CDH12: variants seen among roughly 807,000 people sequenced by gnomAD.
CDH12 encodes cadherin-12.
Under a neutral mutation model 74.1 loss-of-function variants are expected in CDH12, and 41 were observed. The ratio of observed to expected loss-of-function variants is 0.55; its 90% CI spans 0.43 to 0.72. The LOEUF (loss-of-function observed/expected upper bound fraction) is 0.72. Ranked by LOEUF, CDH12 falls within the 30% of genes least tolerant of loss-of-function variation. The probability of loss-of-function intolerance (pLI) is 0.00; values close to 1 mark genes in which losing one functional copy is unlikely to be tolerated. For missense variants in CDH12, 945 were observed against 977.2 expected (o/e 0.97, Z 0.44); for synonymous variants, 399 against 355.0 (o/e 1.12, Z -1.39).
chr5:22,224,589 G>C (rs1043635531), intron 3 of CDH12, among the ~76,000 whole-genome samples: 39 of 152,030 alleles, frequency 2.6e-4, no homozygotes, highest in Non-Finnish European at 4.4e-4. Context: ...TTTTAAAAAT[G>C]TAGCCATTGA....
At chr5:21,974,669 G>A (rs373564618) in intron 6 of CDH12, among the ~76,000 whole-genome samples, 1 of 152,028 alleles carries the variant, frequency 6.6e-6, no homozygotes, top group African/African-American at 2.4e-5. Context: ...ACCTGTTTCC[G>A]GACCACTTCC....
intron 2 of CDH12, among the ~76,000 whole-genome samples, chr5:22,416,057 GGTCTTTTTTT>G (rs1743372118): frequency 7.6e-6 from 1 of 131,320 alleles, no homozygotes; most frequent in African/African-American, 2.8e-5. Flanking sequence ...TGTACTTGTA[GGTCTTTTTTT>G]TTTTTTTTTT....
At chr5:22,153,931 CA>C (rs1561168879) in intron 4 of CDH12, among the ~76,000 whole-genome samples, 2 of 137,952 alleles carry the variant, frequency 1.4e-5, no homozygotes, top group African/African-American at 2.7e-5. Flanking sequence ...CACACACAAA[CA>C]TATATATGTA....
chr5:22,137,338 C>A (rs112281241), intron 4 of CDH12, among the ~76,000 whole-genome samples: 14,888 of 151,960 alleles, frequency 0.098, 764 homozygotes, highest in South Asian at 0.15. Flanking sequence ...TTATAATATG[C>A]AAACTATTGG....
At chr5:22,811,475 A>C (rs917910542) in intron 1 of CDH12, among the ~76,000 whole-genome samples, 2 of 152,102 alleles carry the variant, frequency 1.3e-5, no homozygotes, top group African/African-American at 4.8e-5. Context: ...GTTTTCCTAC[A>C]GGTGTGTTAC....
chr5:22,441,144 A>T (rs1267122417), intron 2 of CDH12, among the ~76,000 whole-genome samples: 2 of 152,162 alleles, frequency 1.3e-5, no homozygotes, highest in Non-Finnish European at 2.9e-5. Flanking sequence ...CTGCTCTAAA[A>T]TATATCTGCC....
At chr5:21,849,654 G>C (rs1046541250) in intron 7 of CDH12, among the ~76,000 whole-genome samples, 8 of 151,622 alleles carry the variant, frequency 5.3e-5, no homozygotes, top group Non-Finnish European at 1.2e-4. Flanking sequence ...TGTTGGAAAA[G>C]ACTCTTTTAT....
chr5:21,878,627 A>AGCTACTT (rs1752064821), intron 6 of CDH12, among the ~76,000 whole-genome samples: 1 of 150,754 alleles, frequency 6.6e-6, no homozygotes, highest in South Asian at 2.1e-4. Flanking sequence ...CTGTGGTCCC[A>AGCTACTT]GCTACTTGGG....
intron 1 of CDH12, among the ~76,000 whole-genome samples, chr5:22,677,532 T>C (rs964736796): frequency 1.3e-5 from 2 of 151,942 alleles, no homozygotes; most frequent in African/African-American, 4.8e-5. Context: ...AAATCACCTC[T>C]CAAAGCCCTC....
At chr5:22,137,155 C>G (rs1230325889) in intron 4 of CDH12, among the ~76,000 whole-genome samples, 1 of 151,902 alleles carries the variant, frequency 6.6e-6, no homozygotes, top group African/African-American at 2.4e-5. Context: ...ACTTGCCTTA[C>G]AAATTTTCTT....
intron 6 of CDH12, among the ~76,000 whole-genome samples, chr5:21,900,339 G>A (rs74958108): frequency 0.018 from 2,789 of 152,162 alleles, 68 homozygotes; most frequent in African/African-American, 0.05. Context: ...TAAACAATAC[G>A]TTATTATTCT....
chr5:22,849,733 T>C (rs969421108), intron 1 of CDH12, among the ~76,000 whole-genome samples: 13 of 152,102 alleles, frequency 8.5e-5, no homozygotes, highest in Non-Finnish European at 1.3e-4. Flanking sequence ...GATATATGCA[T>C]GAGATGTATA....
intron 4 of CDH12, among the ~76,000 whole-genome samples, chr5:22,089,359 G>A (rs909042241): frequency 2.6e-5 from 4 of 152,102 alleles, no homozygotes; most frequent in Non-Finnish European, 5.9e-5. Context: ...ACACTGGGAT[G>A]GGGGGAAATC....
chr5:22,071,086 A>G (rs1269356677), intron 5 of CDH12, among the ~76,000 whole-genome samples: 2 of 152,136 alleles, frequency 1.3e-5, no homozygotes, highest in African/African-American at 2.4e-5. Flanking sequence ...ATGTTTACCT[A>G]TGTTAACAAA....
intron 1 of CDH12, among the ~76,000 whole-genome samples, chr5:22,553,005 T>C (rs1342061789): frequency 2.0e-5 from 3 of 152,154 alleles, no homozygotes; most frequent in African/African-American, 7.2e-5. Flanking sequence ...TATCTTTTAA[T>C]GGGTAGGCAT....
At chr5:22,666,162 A>G (rs1740602561) in intron 1 of CDH12, among the ~76,000 whole-genome samples, 1 of 152,076 alleles carries the variant, frequency 6.6e-6, no homozygotes, top group Non-Finnish European at 1.5e-5. Context: ...CAGTTGACAA[A>G]TCTCACACTT....
intron 1 of CDH12, among the ~76,000 whole-genome samples, chr5:22,633,907 G>A (rs539367902): frequency 7.9e-5 from 12 of 152,176 alleles, no homozygotes; most frequent in East Asian, 7.7e-4. Context: ...ACAGAGCTAC[G>A]ACTAATACGG....
intron 3 of CDH12, among the ~76,000 whole-genome samples, chr5:22,322,745 A>T (rs1222610204): frequency 6.6e-6 from 1 of 152,138 alleles, no homozygotes; most frequent in Non-Finnish European, 1.5e-5. Flanking sequence ...TTATTGATGA[A>T]GAATTTATTT....
In CDH12 at chr5:22,714,775, T is replaced by G. The variant is rs148920644; in HGVS notation, c.-523+138283A>C. Among the ~76,000 whole-genome samples, 43 of 152,326 alleles carry G rather than the reference T, an allele frequency of 2.8e-4. No homozygotes were observed. The East Asian group carries it at 5.0e-3, about 18-fold the overall frequency. ...TGAGATTTGTTTAGTTCAGAAAACC[T>G]GTTCCAAGAAAAATGTGCAAAGCAG... is the stretch of plus-strand genomic sequence containing the variant. On this transcript the variant is annotated intron_variant, in intron 1 of 14. Coordinates refer to ENST00000382254, the MANE Select transcript of CDH12 (RefSeq NM_004061.5).
Sources: gnomAD v4.1 joint callset for allele counts (sites outside exome capture counted in the v4.1 genomes callset) on GRCh38, gnomAD v4.1.1 for gene constraint, MANE v1.5 for transcripts, NCBI Gene and HGNC (gene_info 2026-07-23, HGNC 2026-07-21) for gene names.